The following PHACTR2 variants were observed in gnomAD, a reference collection of about 807,000 sequenced individuals.
PHACTR2 encodes the protein phosphatase and actin regulator 2.
PHACTR2 carries 30 observed loss-of-function variants against 76.0 expected under a neutral mutation model. The ratio of observed to expected loss-of-function variants is 0.39; its 90% CI spans 0.30 to 0.54. The LOEUF is 0.54. Ranked by LOEUF, PHACTR2 falls within the 20% of genes least tolerant of loss-of-function variation. The pLI, the probability that PHACTR2 is intolerant of heterozygous loss-of-function variation, is 0.61. For synonymous variants in PHACTR2, 292 were observed against 292.5 expected (o/e 1.00, Z 0.02); for missense variants, 696 against 781.1 (o/e 0.89, Z 1.30).
chr6:143,734,469 G>A (rs1778774651), intron 2 of PHACTR2, among the ~76,000 whole-genome samples: 1 of 152,156 alleles, frequency 6.6e-6, no homozygotes. Flanking sequence ...TTTTCCAGGG[G>A]GAGTTAGGTT....
chr6:143,676,447 T>C (rs1425577312), upstream of PHACTR2, among the ~76,000 whole-genome samples: 2 of 152,230 alleles, frequency 1.3e-5, no homozygotes, highest in African/African-American at 4.8e-5. This position sits in a 1 kb window ranked among gnomAD's most constrained non-coding sequence, Gnocchi z 4.8. Flanking sequence ...CAAAAGGTAC[T>C]GTATATTTCC....
chr6:143,735,540 C>A (rs1184125517), intron 2 of PHACTR2, among the ~76,000 whole-genome samples: 4 of 152,168 alleles, frequency 2.6e-5, no homozygotes, highest in African/African-American at 9.7e-5. Flanking sequence ...ACCTCCCGAA[C>A]TTTTTCATCT....
chr6:143,612,607 A>G (rs571364092), intron 1 of PHACTR2, among the ~76,000 whole-genome samples: 1 of 52,850 alleles, frequency 1.9e-5, no homozygotes, highest in East Asian at 2.6e-4. Flanking sequence ...TTAATGTTAT[A>G]TATACACACA....
chr6:143,604,096 CAAAAAAAAAA>C (rs5880568), upstream of PHACTR2, among the ~76,000 whole-genome samples: 1 of 110,358 alleles, frequency 9.1e-6, no homozygotes, highest in African/African-American at 3.4e-5. Flanking sequence ...GACTCTGATT[CAAAAAAAAAA>C]AAAAAAAAGA....
rs561653471 is a variant in PHACTR2 at position 143,684,116 on chromosome 6, C to T, written c.46+5907C>T. On this transcript the variant is annotated intron_variant, in intron 1 of 12. Transcript: ENST00000440869. This position sits in a 1 kb window ranked among gnomAD's most constrained non-coding sequence, Gnocchi z 4.3. ...TTGCATATGTATATGCTCTTATGAA[C>T]AATACTGAAATGAACATCCATATCT... Among the ~76,000 whole-genome samples, 1 of 152,076 alleles carries T rather than the reference C, an allele frequency of 6.6e-6. No homozygotes were observed. The highest frequency in any genetic ancestry group is 2.4e-5 in the African/African-American group (1 of 41,382).
chr6:143,563,481 G>A (rs1775309829), intron 1 of PHACTR2, among the ~76,000 whole-genome samples: 2 of 150,814 alleles, frequency 1.3e-5, no homozygotes, highest in Admixed American at 1.3e-4. Flanking sequence ...ATTTGAACCC[G>A]GGAGGTGGAG....
intron 2 of PHACTR2, among the ~76,000 whole-genome samples, chr6:143,740,929 A>G (rs982131481): frequency 1.2e-4 from 19 of 152,208 alleles, no homozygotes; most frequent in African/African-American, 4.3e-4. Context: ...GTAAGTCTCA[A>G]TACCCTTATC....
Position 143,699,566 on chromosome 6 carries a change from G to A in PHACTR2, c.47-12450G>A, listed in dbSNP as rs373953469. Reference sequence around the variant, plus strand: ...ACTCCAGCTTCTTGCTAGAGTGCCAGTAATGCATTTCTGACTGTCCGTTGG... The same window carrying A: ...ACTCCAGCTTCTTGCTAGAGTGCCAATAATGCATTTCTGACTGTCCGTTGG... On this transcript the variant is annotated intron_variant, in intron 1 of 12. Coordinates refer to ENST00000440869, the MANE Select transcript of PHACTR2 (RefSeq NM_001100164.2). Among the ~76,000 whole-genome samples, 15 of 152,278 alleles carry A rather than the reference G, an allele frequency of 9.9e-5. No individual in the cohort carries two copies. The South Asian group carries it at 2.5e-3, about 25-fold the overall frequency.
intron 1 of PHACTR2, among the ~76,000 whole-genome samples, chr6:143,563,813 T>C (rs1051925371): frequency 1.4e-4 from 20 of 148,138 alleles, no homozygotes; most frequent in Non-Finnish European, 8.9e-5. Context: ...CTGGGCAACA[T>C]GGTGAAACCC....
rs566184814 is a variant in PHACTR2, at chr6:143,557,824, G to A, written c.217+20617G>A. 1 of 152,354 alleles carries A rather than the reference G, an allele frequency of 6.6e-6. No individual in the cohort carries two copies. 9.4% of individuals were successfully genotyped at this position (152,354 alleles called of 1,614,324 possible). A position where few individuals can be genotyped will look rare whatever the true frequency, so the allele number is the denominator to read the frequency against. Reference sequence around the variant, plus strand: ...TGACACCTTGTCAGTGGGAAGCGAAGTCAGGTCATGTTCTTGAAGGTAAAA... The same window carrying A: ...TGACACCTTGTCAGTGGGAAGCGAAATCAGGTCATGTTCTTGAAGGTAAAA... On this transcript the variant is annotated intron_variant, in intron 1 of 11. Coordinates refer to the PHACTR2 transcript ENST00000367584. The surrounding 1 kb of genome is among the most constrained non-coding windows in gnomAD (Gnocchi z 5.5).
At chr6:143,576,631 C>A (rs1775516303) in intron 1 of PHACTR2, among the ~76,000 whole-genome samples, 1 of 152,102 alleles carries the variant, frequency 6.6e-6, no homozygotes, top group South Asian at 2.1e-4. Context: ...AATCCTGGCA[C>A]TTTGGGAGGC....
At position 143,556,155 on chromosome 6, in the gene PHACTR2, C is replaced by T. The variant is rs973403218; in HGVS notation, c.217+18948C>T. Among the ~76,000 whole-genome samples, 2 of 152,232 alleles carry T rather than the reference C, an allele frequency of 1.3e-5. No individual in the cohort carries two copies. The highest frequency in any genetic ancestry group is 4.8e-5 in the African/African-American group (2 of 41,460). ...ACAAAGGAGCATGCTTTTAGGACTT[C>T]AGGCAGGGATCATTACTAAAGTCCC... On this transcript the variant is annotated intron_variant, in intron 1 of 11. Coordinates refer to the PHACTR2 transcript ENST00000367584. This position sits in a 1 kb window ranked among gnomAD's most constrained non-coding sequence, Gnocchi z 4.3.
At chr6:143,770,950 G>A (rs1340658612) in intron 6 of PHACTR2, among the ~76,000 whole-genome samples, 1 of 132,566 alleles carries the variant, frequency 7.5e-6, no homozygotes, top group Non-Finnish European at 1.6e-5. Context: ...TTGAGATGGA[G>A]TCTCGCTCTG....
At position 143,753,626 on chromosome 6, in the gene PHACTR2, CAG is replaced by C. The variant is rs1318102273; in HGVS notation, c.296-127_296-126del. On this transcript the variant is annotated intron_variant, in intron 3 of 12. Coordinates refer to ENST00000440869, the MANE Select transcript of PHACTR2 (RefSeq NM_001100164.2). The surrounding 1 kb of genome is among the most constrained non-coding windows in gnomAD (Gnocchi z 4.6). ...TTTTGTTTTGAATAAACCGGTGAAA[CAG>C]TGCAGGGTGTATTTGGTTCCCAGGG... 1 of 589,738 alleles carries C rather than the reference CAG, an allele frequency of 1.7e-6. No homozygotes were observed. The highest frequency in any genetic ancestry group is 3.0e-6 in the Non-Finnish European group (1 of 336,438). 36.5% of individuals were successfully genotyped at this position (589,738 alleles called of 1,614,324 possible).
chr6:143,667,949 G>A (rs1777072077), intron 1 of PHACTR2, among the ~76,000 whole-genome samples: 1 of 152,168 alleles, frequency 6.6e-6, no homozygotes, highest in African/African-American at 2.4e-5. Flanking sequence ...GGGCATCCTT[G>A]TCTTGTGCTG....
At position 143,696,223 on chromosome 6, in the gene PHACTR2, G is replaced by A. The variant is rs1055601562; in HGVS notation, c.47-15793G>A. ...CTATAGAGTAGTGGGGATTTCCCTC[G>A]AGTCTTAGTTGGTTTTAGCAGCTCC... On this transcript the variant is annotated intron_variant, in intron 1 of 12. Transcript: ENST00000440869. The surrounding 1 kb of genome is among the most constrained non-coding windows in gnomAD (Gnocchi z 4.1). Among the ~76,000 whole-genome samples the A allele has an allele frequency of 6.6e-6, 1 of 152,120 alleles. No homozygotes were observed. Among genetic ancestry groups the A allele is most frequent in the Non-Finnish European group, 1.5e-5 (1 of 68,022 alleles).
chr6:143,760,522 T>G lies in PHACTR2; in HGVS notation c.576T>G (p.Ala192=). ...CTGTGCCTCCGAAAGGGGCCACTGC[T>G]GGGGCCAGCCACAAAGGTGATGAAG... The part of the protein sequence containing the change: ...KSPVPPKGAT[A]GASHKGDEVP... Residue 192 remains alanine, a synonymous_variant, in exon 5 of 13, where the codon GCT becomes GCG. Coordinates refer to ENST00000440869, the MANE Select transcript of PHACTR2 (RefSeq NM_001100164.2). The surrounding 1 kb of genome is among the most constrained non-coding windows in gnomAD (Gnocchi z 6.4). 1 of 1,613,954 alleles carries G rather than the reference T, an allele frequency of 6.2e-7. No homozygotes were observed. Among genetic ancestry groups the G allele is most frequent in the Non-Finnish European group, 8.5e-7 (1 of 1,179,870 alleles).
At position 143,802,536 on chromosome 6, in the gene PHACTR2, A is replaced by G. The variant is rs186426252; in HGVS notation, c.1846-4521A>G. 1.3e-3 allele frequency among the ~76,000 whole-genome samples: 190 copies of G among 149,236 alleles called. 2 individuals are homozygous for G. Among genetic ancestry groups the G allele is most frequent in the African/African-American group, 4.5e-3 (184 of 40,564 alleles). On this transcript the variant is annotated intron_variant, in intron 11 of 12. Transcript: ENST00000440869. ...TGGCCACACACCTATGGTCCCAGCTACTTGGGAGGCTGAGGTGGGAGGGTG... is the reference window on the plus strand; with the variant it reads ...TGGCCACACACCTATGGTCCCAGCTGCTTGGGAGGCTGAGGTGGGAGGGTG...
At chr6:143,719,952 T>G (rs534641963) in intron 2 of PHACTR2, among the ~76,000 whole-genome samples, 2 of 151,648 alleles carry the variant, frequency 1.3e-5, no homozygotes, top group Non-Finnish European at 2.9e-5. Flanking sequence ...GCTGGGATTA[T>G]AGGCATGCAC....
Sources: allele counts gnomAD v4.1 joint callset (sites outside exome capture counted in the v4.1 genomes callset), GRCh38; gene constraint gnomAD v4.1.1; non-coding constraint Gnocchi (gnomAD v3.1); transcripts MANE v1.5; gene names NCBI Gene and HGNC (gene_info 2026-07-23, HGNC 2026-07-21).